NCALD: variants seen among roughly 807,000 people sequenced by gnomAD.
The protein encoded by NCALD is neurocalcin delta, also known as neurocalcin-delta.
NCALD carries 10 observed loss-of-function variants against 18.6 expected under a neutral mutation model. That is an observed-to-expected ratio of 0.54 (90% confidence interval 0.33 to 0.91). The LOEUF (loss-of-function observed/expected upper bound fraction) is 0.91. NCALD is among the 40% of genes least tolerant of loss of function. The pLI is 0.03. For synonymous variants in NCALD, 88 were observed against 87.4 expected (o/e 1.01, Z -0.04); for missense variants, 184 against 247.6 (o/e 0.74, Z 1.72).
At chr8:102,080,355 A>G (rs1027733985) in intron 1 of NCALD, among the ~76,000 whole-genome samples, 3 of 152,216 alleles carry the variant, frequency 2.0e-5, no homozygotes, top group Admixed American at 2.0e-4. Context: ...GGCCTGCAGA[A>G]TTACCCAAAA....
At chr8:101,939,457 T>C (rs995369876) in intron 2 of NCALD, among the ~76,000 whole-genome samples, 10 of 152,222 alleles carry the variant, frequency 6.6e-5, no homozygotes, top group Non-Finnish European at 1.5e-5. Flanking sequence ...CCCCAATCCT[T>C]TCAATGACTT....
chr8:101,998,513 G>A (rs1821320664), intron 2 of NCALD, among the ~76,000 whole-genome samples: 1 of 152,142 alleles, frequency 6.6e-6, no homozygotes, highest in South Asian at 2.1e-4. Context: ...ATGGGGTGCT[G>A]TTTCTCCTAC....
chr8:101,799,562 T>C (rs886591862), intron 4 of NCALD, among the ~76,000 whole-genome samples: 1 of 152,194 alleles, frequency 6.6e-6, no homozygotes, highest in Admixed American at 6.5e-5. Context: ...AACTGTACTA[T>C]ATCCACACAA....
chr8:101,754,309 C>A (rs548310854), intron 1 of NCALD, among the ~76,000 whole-genome samples: 51 of 152,264 alleles, frequency 3.3e-4, no homozygotes, highest in African/African-American at 1.1e-3. Flanking sequence ...TTTACAATAT[C>A]TTACAACAGC....
chr8:101,719,360 A>T lies in NCALD; in HGVS notation c.270T>A (p.Ser90Arg), dbSNP rs1816243659. 6.2e-7 allele frequency: 1 copy of T among 1,614,068 alleles called. No individual in the cohort carries two copies. Among genetic ancestry groups the T allele is most frequent in the Admixed American group, 1.7e-5 (1 of 60,004 alleles). ...IDFREFIIAL[S>R]VTSRGKLEQK... ...GCTCCAGCTTCCCCCTCGAAGTTACACTCAAGGCGATGATGAATTCTCTAA... is the reference window on the plus strand; with the variant it reads ...GCTCCAGCTTCCCCCTCGAAGTTACTCTCAAGGCGATGATGAATTCTCTAA... Residue 90 changes from serine (S) to arginine (R), a missense_variant, in exon 2 of 4, where the codon AGT (serine) becomes AGA (arginine). Transcript: ENST00000220931.
chr8:101,926,087 C>T (rs1818327097), intron 2 of NCALD, among the ~76,000 whole-genome samples: 1 of 152,224 alleles, frequency 6.6e-6, no homozygotes, highest in African/African-American at 2.4e-5. Context: ...CCTCTGACCA[C>T]AGGGGAGAGC....
intron 4 of NCALD, among the ~76,000 whole-genome samples, chr8:101,885,176 A>G (rs1452724922): frequency 6.6e-6 from 1 of 152,228 alleles, no homozygotes; most frequent in African/African-American, 2.4e-5. Context: ...AGACAAAACC[A>G]TCCTGACTTA....
intron 1 of NCALD, among the ~76,000 whole-genome samples, chr8:102,108,001 T>C (rs1825526511): frequency 6.6e-6 from 1 of 151,986 alleles, no homozygotes. Flanking sequence ...GGAGGGGCCC[T>C]TCCTGCCCCT....
intron 1 of NCALD, among the ~76,000 whole-genome samples, chr8:101,731,019 G>A (rs192250308): frequency 4.6e-5 from 7 of 152,294 alleles, no homozygotes; most frequent in Admixed American, 3.9e-4. Context: ...GGGTGTCGGA[G>A]TTTTGAATCA....
chr8:101,922,657 G>T (rs908699123), intron 2 of NCALD, among the ~76,000 whole-genome samples: 4 of 152,148 alleles, frequency 2.6e-5, no homozygotes, highest in African/African-American at 9.7e-5. Flanking sequence ...TTGAAACGTA[G>T]TATCTCCAGT....
intron 2 of NCALD, among the ~76,000 whole-genome samples, chr8:101,997,702 T>G (rs991804486): frequency 6.6e-6 from 1 of 152,220 alleles, no homozygotes; most frequent in South Asian, 2.1e-4. Context: ...TATTTTCAGC[T>G]CTATTTCTCT....
chr8:101,962,453 C>T (rs1178765326), intron 2 of NCALD, among the ~76,000 whole-genome samples: 1 of 152,192 alleles, frequency 6.6e-6, no homozygotes, highest in African/African-American at 2.4e-5. Context: ...CAGCACCTAG[C>T]TTCAGTCAAA....
chr8:102,024,499 T>G (rs748525036), intron 1 of NCALD, among the ~76,000 whole-genome samples: 2 of 152,216 alleles, frequency 1.3e-5, no homozygotes, highest in Non-Finnish European at 2.9e-5. Flanking sequence ...AGGGCACTTA[T>G]CAGGGGCAAA....
chr8:102,079,715 C>T (rs1376762505), intron 1 of NCALD, among the ~76,000 whole-genome samples: 1 of 152,354 alleles, frequency 6.6e-6, no homozygotes, highest in South Asian at 2.1e-4. Context: ...TTTTCTCACG[C>T]ACCTCCCACA....
intron 3 of NCALD, among the ~76,000 whole-genome samples, chr8:101,915,248 G>T (rs1192172212): frequency 1.3e-5 from 2 of 152,162 alleles, no homozygotes; most frequent in Non-Finnish European, 2.9e-5. Flanking sequence ...AACCACATTG[G>T]AGTTAGATTT....
intron 4 of NCALD, among the ~76,000 whole-genome samples, chr8:101,841,925 G>A (rs1264931): frequency 0.4 from 61,031 of 152,004 alleles, 15,402 homozygotes; most frequent in African/African-American, 0.71. Flanking sequence ...CGGGGGAAAT[G>A]AAAGGCAGGA....
At chr8:102,034,724 A>G (rs1256005602) in intron 1 of NCALD, among the ~76,000 whole-genome samples, 1 of 152,184 alleles carries the variant, frequency 6.6e-6, no homozygotes, top group Non-Finnish European at 1.5e-5. Flanking sequence ...ATGGTTGGCT[A>G]GCGTGGGCTT....
rs1240704499 is a variant in NCALD, at chr8:102,078,305, A to AT, written c.-210+45931dup. On this transcript the variant is annotated intron_variant, in intron 1 of 6. Coordinates refer to the NCALD transcript ENST00000311028. ...CCAGCTGCCATCACCTCTCAAGGGG[A>AT]TTACTGTAATAGTCAGCTACCTGGT... 7.9e-5 allele frequency among the ~76,000 whole-genome samples: 12 copies of AT among 152,216 alleles called. No homozygotes were observed. The East Asian group carries it at 2.3e-3, about 29-fold the overall frequency.
At chr8:101,703,598 A>G (rs983820091) in intron 2 of NCALD, among the ~76,000 whole-genome samples, 2 of 152,208 alleles carry the variant, frequency 1.3e-5, no homozygotes, top group Non-Finnish European at 2.9e-5. Flanking sequence ...GATCCCTGAG[A>G]AAATGAAAAC....
Sources: allele counts gnomAD v4.1 joint callset (sites outside exome capture counted in the v4.1 genomes callset), GRCh38; gene constraint gnomAD v4.1.1; transcripts MANE v1.5; gene names NCBI Gene and HGNC (gene_info 2026-07-23, HGNC 2026-07-21).